Variants in DESI1 observed in about 807,000 individuals in gnomAD.
DESI1 encodes desumoylating isopeptidase 1.
A neutral mutation model predicts 22.4 loss-of-function variants in DESI1; 17 were observed. That is an observed-to-expected ratio of 0.76 (90% CI 0.52 to 1.14). DESI1 has a LOEUF of 1.14. Among genes scored for constraint, DESI1 ranks in the 50% most tolerant of loss-of-function variants. The probability of loss-of-function intolerance (pLI) is 0.00; values close to 1 mark genes in which losing one functional copy is unlikely to be tolerated. For synonymous variants in DESI1, 92 were observed against 84.2 expected (o/e 1.09, Z -0.51); for missense variants, 177 against 208.9 (o/e 0.85, Z 0.94).
chr22:41,611,127 G>A (rs1183405552), intron 1 of DESI1, among the ~76,000 whole-genome samples: 1 of 152,126 alleles, frequency 6.6e-6, no homozygotes, highest in African/African-American at 2.4e-5. Context: ...GTAAAATGGG[G>A]AGACTAACAT....
intron 1 of DESI1, among the ~76,000 whole-genome samples, chr22:41,610,956 G>C (rs900738166): frequency 4.6e-5 from 7 of 152,038 alleles, no homozygotes; most frequent in Admixed American, 2.0e-4. Context: ...ATGTGAGGCA[G>C]GTTCTGACCT....
chr22:41,602,628 A>G (rs2147037437), intron 5 of DESI1: 3 of 986,620 alleles, frequency 3.0e-6, no homozygotes, highest in South Asian at 4.7e-5. Context: ...GCAATCAACG[A>G]CAAGAGGGAG....
At chr22:41,602,236 T>C in intron 5 of DESI1, 1 of 985,444 alleles carries the variant, frequency 1.0e-6, no homozygotes, top group Non-Finnish European at 1.2e-6. Context: ...AGATGAAACC[T>C]AGAAATATCA....
chr22:41,611,477 C>T (rs1355473309), intron 1 of DESI1, among the ~76,000 whole-genome samples: 2 of 152,022 alleles, frequency 1.3e-5, no homozygotes, highest in Non-Finnish European at 2.9e-5. Flanking sequence ...TCTGAACTGT[C>T]ATTTATAAAT....
At chr22:41,617,387 C>T (rs2067557079) in intron 1 of DESI1, among the ~76,000 whole-genome samples, 1 of 152,180 alleles carries the variant, frequency 6.6e-6, no homozygotes, top group South Asian at 2.1e-4. Context: ...GGGTCTGACA[C>T]ATGGTAAGCT....
chr22:41,611,755 G>A (rs2067518976), intron 1 of DESI1, among the ~76,000 whole-genome samples: 1 of 151,758 alleles, frequency 6.6e-6, no homozygotes, highest in Non-Finnish European at 1.5e-5. Flanking sequence ...ACCACGCCTG[G>A]CTAATTTTTC....
chr22:41,616,156 C>G (rs1398074701), intron 1 of DESI1, among the ~76,000 whole-genome samples: 2 of 152,080 alleles, frequency 1.3e-5, no homozygotes, highest in Non-Finnish European at 2.9e-5. Flanking sequence ...GGCAGGAGAA[C>G]TGCCTGAACC....
chr22:41,617,215 T>G lies in DESI1; in HGVS notation c.88+3537A>C, dbSNP rs569461322. ...AGCTCTGGAAGTCAGACTGCCTGTG[T>G]TCATAACCCAGCTCTACCACCTAGT... On this transcript the variant is annotated intron_variant, in intron 1 of 5. Coordinates refer to ENST00000263256, the MANE Select transcript of DESI1 (RefSeq NM_015704.3). Among the ~76,000 whole-genome samples, 6 of 152,308 alleles carry G rather than the reference T, an allele frequency of 3.9e-5. No individual in the cohort carries two copies. The South Asian group carries it at 1.2e-3, about 32-fold the overall frequency.
chr22:41,610,277 G>C (rs1188090988), intron 1 of DESI1, among the ~76,000 whole-genome samples: 1 of 151,414 alleles, frequency 6.6e-6, no homozygotes, highest in South Asian at 2.1e-4. Flanking sequence ...TACTCGGGAA[G>C]CTGAGGCAGG....
At chr22:41,612,527 A>AG (rs1360867305) in intron 1 of DESI1, among the ~76,000 whole-genome samples, 1 of 151,252 alleles carries the variant, frequency 6.6e-6, no homozygotes, top group African/African-American at 2.4e-5. Context: ...AAAAAAAAAA[A>AG]AGAGTAGGTT....
intron 1 of DESI1, among the ~76,000 whole-genome samples, chr22:41,616,662 A>C (rs539833416): frequency 6.1e-4 from 93 of 152,264 alleles, no homozygotes; most frequent in Non-Finnish European, 9.7e-4. Context: ...ATAATAGCTA[A>C]TTATTTTAGG....
At chr22:41,608,622 A>G (rs1023310389) in intron 1 of DESI1, among the ~76,000 whole-genome samples, 22 of 152,140 alleles carry the variant, frequency 1.4e-4, no homozygotes, top group African/African-American at 5.3e-4. Flanking sequence ...CAAGGGGAGG[A>G]GCGGCCAACA....
chr22:41,620,720 C>CCCT, intron 1 of DESI1, 32 bp downstream of exon 1: 1 of 1,581,636 alleles, frequency 6.3e-7, no homozygotes, highest in Non-Finnish European at 8.6e-7. Context: ...CTGGCTCCCG[C>CCCT]CCTCCTGCCC....
intron 2 of DESI1, 94 bp from the exon 3 acceptor site, chr22:41,607,425 G>A: frequency 2.4e-6 from 3 of 1,262,476 alleles, no homozygotes; most frequent in Non-Finnish European, 3.3e-6. Flanking sequence ...TCTGCCCAAG[G>A]ATAGGACTGT....
chr22:41,613,542 A>C (rs1337959152), intron 1 of DESI1, among the ~76,000 whole-genome samples: 1 of 152,196 alleles, frequency 6.6e-6, no homozygotes, highest in Non-Finnish European at 1.5e-5. Context: ...GCACCTAGCA[A>C]AGGACCTGGT....
At chr22:41,604,835 G>GCAGCCA (rs770825363) in intron 3 of DESI1, among the ~76,000 whole-genome samples, 57 of 152,230 alleles carry the variant, frequency 3.7e-4, no homozygotes, top group Non-Finnish European at 6.8e-4. Flanking sequence ...CCCACAGGCT[G>GCAGCCA]CAGGTTGGAC....
At chr22:41,606,882 T>C (rs1601510777) in intron 3 of DESI1, among the ~76,000 whole-genome samples, 1 of 151,978 alleles carries the variant, frequency 6.6e-6, no homozygotes, top group East Asian at 1.9e-4. Flanking sequence ...CTGTTTAAGT[T>C]TGGGCAAGTC....
chr22:41,604,289 C>A (rs1187317760), intron 3 of DESI1, 136 bp from the exon 4 acceptor site: 1 of 673,416 alleles, frequency 1.5e-6, no homozygotes, highest in East Asian at 3.3e-5. Context: ...GAGTTTCTCT[C>A]GTCACCCAGG....
intron 1 of DESI1, among the ~76,000 whole-genome samples, chr22:41,611,885 C>G (rs2067519878): frequency 6.6e-6 from 1 of 152,178 alleles, no homozygotes; most frequent in South Asian, 2.1e-4. Flanking sequence ...GCTACCGCGC[C>G]TGGCCCCTGT....
Sources: gnomAD v4.1 joint callset for allele counts (sites outside exome capture counted in the v4.1 genomes callset) on GRCh38, gnomAD v4.1.1 for gene constraint, MANE v1.5 for transcripts, NCBI Gene and HGNC (gene_info 2026-07-23, HGNC 2026-07-21) for gene names.